Variants in MGAT5 observed in about 807,000 individuals in gnomAD.
The protein encoded by MGAT5 is alpha-1,6-mannosylglycoprotein 6-beta-N-acetylglucosaminyltransferase A.
In MGAT5, 30 loss-of-function variants were observed where a neutral mutation model predicts 94.3. That is an observed-to-expected ratio of 0.32 (90% CI 0.24 to 0.43). MGAT5 has a LOEUF of 0.43. Ranked by LOEUF, MGAT5 falls within the 20% of genes least tolerant of loss-of-function variation. The pLI is 1.00. For missense variants in MGAT5, 691 were observed against 905.5 expected (o/e 0.76, Z 3.04); for synonymous variants, 310 against 322.9 (o/e 0.96, Z 0.43).
intron 1 of MGAT5, among the ~76,000 whole-genome samples, chr2:134,265,979 C>T (rs1683686637): frequency 6.6e-6 from 1 of 151,790 alleles, no homozygotes; most frequent in Non-Finnish European, 1.5e-5. Context: ...ACCAGCCTGA[C>T]CAAGATGGTG....
At chr2:134,277,594 A>G (rs1006814784) in intron 2 of MGAT5, among the ~76,000 whole-genome samples, 4 of 152,170 alleles carry the variant, frequency 2.6e-5, no homozygotes, top group African/African-American at 9.7e-5. Context: ...TTGAGATGAG[A>G]TTTGGGTAGG....
chr2:134,161,205 G>T (rs1021201069), intron 1 of MGAT5, among the ~76,000 whole-genome samples: 1 of 152,246 alleles, frequency 6.6e-6, no homozygotes, highest in South Asian at 2.1e-4. Flanking sequence ...GCCTGCCTCA[G>T]GAGGGAATGA....
At chr2:134,151,784 CCTCA>C (rs1687198589) in intron 1 of MGAT5, among the ~76,000 whole-genome samples, 3 of 146,910 alleles carry the variant, frequency 2.0e-5, no homozygotes, top group African/African-American at 2.5e-5. Context: ...CACCTTGGGA[CCTCA>C]CTCACTCATG....
intron 1 of MGAT5, among the ~76,000 whole-genome samples, chr2:134,185,917 G>T (rs1327558782): frequency 6.6e-6 from 1 of 152,228 alleles, no homozygotes; most frequent in African/African-American, 2.4e-5. Context: ...TTCAGAAGAA[G>T]AGAATCCATG....
chr2:134,204,522 A>G (rs188087285), intron 1 of MGAT5, among the ~76,000 whole-genome samples: 8 of 152,238 alleles, frequency 5.3e-5, no homozygotes, highest in African/African-American at 1.9e-4. Flanking sequence ...ATGGAAGGTA[A>G]GAGAGCTGGC....
chr2:134,249,103 A>G (rs1682443358), upstream of MGAT5, among the ~76,000 whole-genome samples: 1 of 152,056 alleles, frequency 6.6e-6, no homozygotes, highest in Non-Finnish European at 1.5e-5. Context: ...GCCCATGGCC[A>G]GCCCTTAGTT....
intron 4 of MGAT5, among the ~76,000 whole-genome samples, chr2:134,333,980 C>T (rs1016822995): frequency 6.6e-6 from 1 of 152,136 alleles, no homozygotes; most frequent in Middle Eastern, 3.4e-3. Flanking sequence ...TCACAGCATA[C>T]AAAAACAACC....
chr2:134,181,669 A>G (rs1688740055), intron 1 of MGAT5, among the ~76,000 whole-genome samples: 1 of 152,218 alleles, frequency 6.6e-6, no homozygotes, highest in Admixed American at 6.5e-5. Context: ...CTAATTACAT[A>G]TGTATAGATA....
At chr2:134,168,243 C>A (rs545874075) in intron 1 of MGAT5, among the ~76,000 whole-genome samples, 104 of 152,240 alleles carry the variant, frequency 6.8e-4, no homozygotes, top group African/African-American at 2.4e-3. Context: ...ATAATGAGGC[C>A]CCATGACGAC....
rs564358544 is a variant in MGAT5 at position 134,428,447 on chromosome 2, T to C, written c.1869+8T>C. On this transcript the variant is annotated splice_region_variant and intron_variant, in intron 14 of 15. Transcript: ENST00000281923. ...GCTTTCATTGAAAAACAGGTAAGGC[T>C]TATCAGAAGTCAGTCTGTCTTTGCT... The C allele has an allele frequency of 6.2e-7, 1 of 1,612,600 alleles. No individual in the cohort carries two copies. Among genetic ancestry groups the C allele is most frequent in the African/African-American group, 1.3e-5 (1 of 75,040 alleles).
At chr2:134,310,357 G>T (rs932860656) in intron 2 of MGAT5, among the ~76,000 whole-genome samples, 1 of 152,150 alleles carries the variant, frequency 6.6e-6, no homozygotes, top group Non-Finnish European at 1.5e-5. Flanking sequence ...AGTGGATTTT[G>T]TTTAATCCAT....
intron 1 of MGAT5, among the ~76,000 whole-genome samples, chr2:134,158,902 G>A (rs1448815725): frequency 6.6e-6 from 1 of 152,134 alleles, no homozygotes; most frequent in Admixed American, 6.5e-5. Flanking sequence ...GGCACATGTG[G>A]CTATTGAGCT....
At chr2:134,181,539 C>T (rs1688734958) in intron 1 of MGAT5, among the ~76,000 whole-genome samples, 1 of 152,110 alleles carries the variant, frequency 6.6e-6, no homozygotes, top group South Asian at 2.1e-4. Flanking sequence ...CTGACCTCAG[C>T]CAGTCTGTTT....
chr2:134,263,857 C>T (rs1294551687), intron 1 of MGAT5, among the ~76,000 whole-genome samples: 1 of 151,566 alleles, frequency 6.6e-6, no homozygotes, highest in Non-Finnish European at 1.5e-5. Context: ...AGAATAAATA[C>T]ACTCTTTACC....
intron 14 of MGAT5, among the ~76,000 whole-genome samples, chr2:134,434,942 G>A (rs1685087205): frequency 6.6e-6 from 1 of 152,166 alleles, no homozygotes; most frequent in African/African-American, 2.4e-5. Context: ...ATAGTCATTA[G>A]TAAAGTACTG....
chr2:134,127,502 C>T (rs11900650), intron 1 of MGAT5, among the ~76,000 whole-genome samples: 1,720 of 125,676 alleles, frequency 0.014, 54 homozygotes, highest in African/African-American at 0.046. Flanking sequence ...GTTTCCCCCC[C>T]CCCCAGGCTT....
intron 1 of MGAT5, among the ~76,000 whole-genome samples, chr2:134,144,071 T>G (rs1686791896): frequency 6.6e-6 from 1 of 152,060 alleles, no homozygotes; most frequent in South Asian, 2.1e-4. Context: ...CAGGACAAGG[T>G]GTGTCAGGGA....
intron 10 of MGAT5, among the ~76,000 whole-genome samples, chr2:134,376,930 A>G (rs1681218245): frequency 6.6e-6 from 1 of 152,108 alleles, no homozygotes; most frequent in South Asian, 2.1e-4. Context: ...GCCACTAACC[A>G]TCTCCATGCT....
intron 10 of MGAT5, among the ~76,000 whole-genome samples, chr2:134,381,359 ATAGATAGATAAGATAAGATAGAT>A (rs1328353135): frequency 4.1e-4 from 35 of 85,468 alleles, no homozygotes; most frequent in African/African-American, 1.3e-3. Flanking sequence ...AGATAGATAG[ATAGATAGATAAGATAAGATAGAT>A]TAGATAGATA....
Sources: allele counts gnomAD v4.1 joint callset (sites outside exome capture counted in the v4.1 genomes callset), GRCh38; gene constraint gnomAD v4.1.1; transcripts MANE v1.5; gene names NCBI Gene and HGNC (gene_info 2026-07-23, HGNC 2026-07-21).